The following NSUN3 variants were observed in gnomAD, a reference collection of about 807,000 sequenced individuals.
The protein encoded by NSUN3 is tRNA (cytosine(34)-C(5))-methyltransferase, mitochondrial.
In NSUN3, 24 loss-of-function variants were observed where a neutral mutation model predicts 36.8. That is an observed-to-expected ratio of 0.65 (90% CI 0.47 to 0.92). The LOEUF (loss-of-function observed/expected upper bound fraction) is 0.92, where lower values mean the gene tolerates loss of function less well. Among genes scored for constraint, NSUN3 ranks in the 40% least tolerant of loss-of-function variants. The probability of loss-of-function intolerance (pLI) is 0.00; values close to 1 mark genes in which losing one functional copy is unlikely to be tolerated. For missense variants in NSUN3, 381 were observed against 392.8 expected, an observed-to-expected ratio of 0.97 and a Z score of 0.25; for synonymous variants, 146 against 145.2, an observed-to-expected ratio of 1.01 and a Z score of -0.04.
intron 2 of NSUN3, among the ~76,000 whole-genome samples, chr3:94,082,790 T>G (rs1215872677): frequency 1.3e-5 from 2 of 152,162 alleles, no homozygotes; most frequent in Non-Finnish European, 2.9e-5. Flanking sequence ...TTTAACAGGG[T>G]AAAGCTGCTG....
At chr3:94,096,710 G>A (rs1424176924) in intron 5 of NSUN3, among the ~76,000 whole-genome samples, 2 of 152,088 alleles carry the variant, frequency 1.3e-5, no homozygotes, top group Non-Finnish European at 2.9e-5. Flanking sequence ...ATGTTGACCA[G>A]GCTGGTCTCG....
At chr3:94,078,719 G>C (rs2107242579) in intron 2 of NSUN3, among the ~76,000 whole-genome samples, 1 of 152,116 alleles carries the variant, frequency 6.6e-6, no homozygotes, top group South Asian at 2.1e-4. Flanking sequence ...ATCTTTGTTG[G>C]TTTAAAGTCT....
At chr3:94,079,044 A>G (rs1000492840) in intron 2 of NSUN3, among the ~76,000 whole-genome samples, 2 of 152,110 alleles carry the variant, frequency 1.3e-5, no homozygotes, top group Admixed American at 1.3e-4. Flanking sequence ...ACAATTTGGT[A>G]TGTTTTTGCA....
chr3:94,122,983 C>T (rs2077470452), intron 5 of NSUN3, among the ~76,000 whole-genome samples: 1 of 152,096 alleles, frequency 6.6e-6, no homozygotes, highest in Admixed American at 6.6e-5. Context: ...AATTAAAATT[C>T]CTTGTCTCTT....
At chr3:94,068,608 A>C (rs1480100336) in intron 2 of NSUN3, among the ~76,000 whole-genome samples, 1 of 152,230 alleles carries the variant, frequency 6.6e-6, no homozygotes, top group Non-Finnish European at 1.5e-5. Context: ...ATACTTAATA[A>C]ATGTATGATT....
intron 3 of NSUN3, among the ~76,000 whole-genome samples, chr3:94,091,515 G>A (rs926495073): frequency 2.6e-5 from 4 of 152,176 alleles, no homozygotes; most frequent in Non-Finnish European, 2.9e-5. Context: ...CCATGATAAT[G>A]TTTTGTGGTG....
chr3:94,081,311 C>T (rs758687163), intron 2 of NSUN3, among the ~76,000 whole-genome samples: 1 of 152,274 alleles, frequency 6.6e-6, no homozygotes, highest in Non-Finnish European at 1.5e-5. Flanking sequence ...CCACCTTCTG[C>T]GTTGATCTTG....
rs2077304554 is a variant in NSUN3 at position 94,089,060 on chromosome 3, C to T, written c.466+4610C>T. ...AAACCAGAATCTGAAAGTGGTTGTACTCTCAAGTGAATTTTAATCTAATGT... is the reference window on the plus strand; with the variant it reads ...AAACCAGAATCTGAAAGTGGTTGTATTCTCAAGTGAATTTTAATCTAATGT... On this transcript the variant is annotated intron_variant, in intron 3 of 5. Transcript: ENST00000314622. Among the ~76,000 whole-genome samples, 5 of 152,300 alleles carry T rather than the reference C, an allele frequency of 3.3e-5. No homozygotes were observed. The South Asian group carries it at 1.0e-3, about 32-fold the overall frequency.
Position 94,092,919 on chromosome 3 carries a change from C to CAAAAAAAAA in NSUN3, c.467-1203_467-1195dup, listed in dbSNP as rs1161530879. On this transcript the variant is annotated intron_variant, in intron 3 of 5. Coordinates refer to ENST00000314622, the MANE Select transcript of NSUN3 (RefSeq NM_022072.5). ...TGGGCAACAGAGCGAGACTGCATCT[C>CAAAAAAAAA]AAAAAAAAAAAAAAAAAAAAAAAAA... 1.3e-3 allele frequency among the ~76,000 whole-genome samples: 31 copies of CAAAAAAAAA among 24,632 alleles called. 1 individual carries two copies. The highest frequency in any genetic ancestry group is 1.6e-3 in the East Asian group (1 of 630). 16.2% of individuals were successfully genotyped at this position (24,632 alleles called of 152,430 possible).
At chr3:94,110,632 G>A (rs1267595376) in intron 5 of NSUN3, among the ~76,000 whole-genome samples, 1 of 151,688 alleles carries the variant, frequency 6.6e-6, no homozygotes, top group Non-Finnish European at 1.5e-5. Flanking sequence ...TCTCTTCCAC[G>A]ATATCATAAA....
At chr3:94,064,051 T>A (rs1175903188) in intron 1 of NSUN3, 1 of 162,928 alleles carries the variant, frequency 6.1e-6, no homozygotes, top group Non-Finnish European at 1.3e-5. Flanking sequence ...TTTCCCGTGT[T>A]GGCCAACCTG....
chr3:94,064,144 C>G (rs547627650), intron 1 of NSUN3: 2 of 341,690 alleles, frequency 5.9e-6, no homozygotes, highest in Non-Finnish European at 1.1e-5. Context: ...ACCTGCCTAG[C>G]CCCTACAGTG....
chr3:94,115,847 A>G (rs1055545776), intron 5 of NSUN3, among the ~76,000 whole-genome samples: 5 of 152,206 alleles, frequency 3.3e-5, no homozygotes, highest in African/African-American at 1.2e-4. Context: ...AAGTGTTAGG[A>G]TGTTTTAATA....
rs573476111 is a variant in NSUN3 at position 94,075,988 on chromosome 3, C to G, written c.123-8119C>G. On this transcript the variant is annotated intron_variant, in intron 2 of 5. Coordinates refer to ENST00000314622, the MANE Select transcript of NSUN3 (RefSeq NM_022072.5). The stretch of plus-strand genomic sequence containing the variant: ...TGTTCTCTGCCATTTGCCACACTTG[C>G]ATGATATTGTCTTCTGATACAGAAC... 6 of 1,596,980 alleles carry G rather than the reference C, an allele frequency of 3.8e-6. No homozygotes were observed. In the East Asian group the frequency reaches 1.1e-4, roughly 30 times the overall value.
At chr3:94,101,711 T>C (rs1338762688) in intron 5 of NSUN3, among the ~76,000 whole-genome samples, 2 of 152,216 alleles carry the variant, frequency 1.3e-5, no homozygotes, top group African/African-American at 4.8e-5. Context: ...GCCTTTATTA[T>C]CATTTCTCAA....
At chr3:94,073,237 C>T (rs1275266631) in intron 2 of NSUN3, among the ~76,000 whole-genome samples, 3 of 152,084 alleles carry the variant, frequency 2.0e-5, no homozygotes, top group African/African-American at 7.2e-5. Flanking sequence ...AGTCTTTGCT[C>T]TTGTGAATAG....
intron 5 of NSUN3, among the ~76,000 whole-genome samples, chr3:94,118,703 A>T (rs373071087): frequency 6.2e-4 from 95 of 152,254 alleles, no homozygotes; most frequent in Non-Finnish European, 9.6e-4. Flanking sequence ...TTAAAAAAAA[A>T]AATAATAAAT....
Position 94,083,134 on chromosome 3 carries a change from T to C in NSUN3, c.123-973T>C, listed in dbSNP as rs936201459. 2.0e-5 allele frequency among the ~76,000 whole-genome samples: 3 copies of C among 150,506 alleles called. No homozygotes were observed. The Admixed American group carries it at 2.0e-4, about 10-fold the overall frequency. ...TTTTTTTTTTTTTTCCAAGATGTAC[T>C]GCAGGGAGGGACTAAGCTGAGTGTA... On this transcript the variant is annotated intron_variant, in intron 2 of 5. Coordinates refer to ENST00000314622, the MANE Select transcript of NSUN3 (RefSeq NM_022072.5).
intron 5 of NSUN3, among the ~76,000 whole-genome samples, chr3:94,116,985 C>CTT (rs60234250): frequency 1.2e-3 from 77 of 64,004 alleles, no homozygotes; most frequent in Non-Finnish European, 1.5e-3. Flanking sequence ...TCTGCCACAA[C>CTT]TTTTTTTTTT....
Sources: gnomAD v4.1 joint callset for allele counts (sites outside exome capture counted in the v4.1 genomes callset) on GRCh38, gnomAD v4.1.1 for gene constraint, MANE v1.5 for transcripts, NCBI Gene and HGNC (gene_info 2026-07-23, HGNC 2026-07-21) for gene names.